BPGM: variants seen among roughly 807,000 people sequenced by gnomAD.
BPGM encodes bisphosphoglycerate mutase.
A neutral mutation model predicts 21.6 loss-of-function variants in BPGM; 15 were observed. The ratio of observed to expected loss-of-function variants is 0.70; its 90% CI spans 0.47 to 1.07. BPGM has a LOEUF of 1.07. Ranked by LOEUF, BPGM falls within the 50% of genes least tolerant of loss-of-function variation. The probability of loss-of-function intolerance (pLI) is 0.00; values close to 1 mark genes in which losing one functional copy is unlikely to be tolerated. For synonymous variants in BPGM, 113 were observed against 116.2 expected (o/e 0.97, Z 0.18); for missense variants, 273 against 319.0 (o/e 0.86, Z 1.10).
chr7:134,648,951 A>G (rs978462494), intron 1 of BPGM, among the ~76,000 whole-genome samples: 1 of 152,212 alleles, frequency 6.6e-6, no homozygotes, highest in South Asian at 2.1e-4. Context: ...AGCAAGTAAA[A>G]GTTCCCAGCT....
chr7:134,652,764 T>C (rs554466296), intron 1 of BPGM, among the ~76,000 whole-genome samples: 20 of 152,352 alleles, frequency 1.3e-4, no homozygotes, highest in African/African-American at 4.8e-4. Context: ...TCACCTAACC[T>C]TAGGCTCTCC....
At chr7:134,673,464 C>G (rs2131458807) in intron 2 of BPGM, among the ~76,000 whole-genome samples, 1 of 152,250 alleles carries the variant, frequency 6.6e-6, no homozygotes, top group South Asian at 2.1e-4. Flanking sequence ...GAGAGTGCTG[C>G]TATTAAACAG....
intron 1 of BPGM, among the ~76,000 whole-genome samples, chr7:134,658,892 A>ATTTTT (rs1554411129): frequency 2.1e-5 from 3 of 143,900 alleles, no homozygotes; most frequent in African/African-American, 5.2e-5. Context: ...GTGTGTGTGT[A>ATTTTT]TTTTTTTTTT....
At chr7:134,676,208 G>A (rs1795981157) in intron 2 of BPGM, among the ~76,000 whole-genome samples, 1 of 152,168 alleles carries the variant, frequency 6.6e-6, no homozygotes, top group South Asian at 2.1e-4. Context: ...TAAATACAAT[G>A]TTGAATAGAA....
intron 1 of BPGM, among the ~76,000 whole-genome samples, chr7:134,654,300 C>T (rs1238340274): frequency 6.6e-6 from 1 of 152,198 alleles, no homozygotes; most frequent in African/African-American, 2.4e-5. Context: ...ATTTATGAGT[C>T]ATCCATTTTA....
At chr7:134,653,096 T>C (rs1215338831) in intron 1 of BPGM, among the ~76,000 whole-genome samples, 1 of 152,230 alleles carries the variant, frequency 6.6e-6, no homozygotes, top group Non-Finnish European at 1.5e-5. Context: ...TAATATTTCA[T>C]GTGCATGAAA....
At chr7:134,659,966 T>C (rs1233210497) in intron 1 of BPGM, among the ~76,000 whole-genome samples, 1 of 152,190 alleles carries the variant, frequency 6.6e-6, no homozygotes, top group African/African-American at 2.4e-5. Context: ...GTATACCATC[T>C]AGGTTTGTGT....
intron 1 of BPGM, chr7:134,660,425 GGA>G (rs1467658280): frequency 2.0e-5 from 3 of 152,614 alleles, no homozygotes; most frequent in Non-Finnish European, 2.9e-5. Flanking sequence ...TCCACCACAA[GGA>G]GAGAGAGAGG....
chr7:134,651,291 T>A (rs1373104418), intron 1 of BPGM, among the ~76,000 whole-genome samples: 1 of 152,198 alleles, frequency 6.6e-6, no homozygotes, highest in African/African-American at 2.4e-5. Context: ...ACTAGGTTTT[T>A]AAGTTGGACT....
chr7:134,652,954 T>C (rs763257112), intron 1 of BPGM, among the ~76,000 whole-genome samples: 3 of 152,204 alleles, frequency 2.0e-5, no homozygotes, highest in Non-Finnish European at 4.4e-5. Context: ...CAGGTATCTC[T>C]TCAGTATACT....
rs181209590 is a variant in BPGM, at chr7:134,650,714, A to G, written c.-62+3777A>G. Among the ~76,000 whole-genome samples the G allele has an allele frequency of 7.7e-4, 117 of 152,318 alleles. 1 individual carries two copies. Among genetic ancestry groups the G allele is most frequent in the African/African-American group, 2.3e-3 (96 of 41,572 alleles). ...GAGGCGGGCAGATCACGAGGTCAGG[A>G]GATCAAGACCATCCTGGCTAACATG... On this transcript the variant is annotated intron_variant, in intron 1 of 2. Coordinates refer to ENST00000344924, the MANE Select transcript of BPGM (RefSeq NM_001724.5).
At position 134,655,962 on chromosome 7, in the gene BPGM, C is replaced by T. The variant is rs752599573; in HGVS notation, c.-61-5485C>T. On this transcript the variant is annotated intron_variant, in intron 1 of 2. Coordinates refer to ENST00000344924, the MANE Select transcript of BPGM (RefSeq NM_001724.5). Reference sequence around the variant, plus strand: ...CGCAAGTGCACCAAATGTGGTTAAGCGGGATGCTACAGGAGTAGGTCAGCA... The same window carrying T: ...CGCAAGTGCACCAAATGTGGTTAAGTGGGATGCTACAGGAGTAGGTCAGCA... Among the ~76,000 whole-genome samples, 6 of 152,160 alleles carry T rather than the reference C, an allele frequency of 3.9e-5. No individual in the cohort carries two copies. The East Asian group carries it at 9.6e-4, about 24-fold the overall frequency.
chr7:134,649,642 C>T (rs2131411403), intron 1 of BPGM, among the ~76,000 whole-genome samples: 1 of 152,260 alleles, frequency 6.6e-6, no homozygotes, highest in Non-Finnish European at 1.5e-5. Context: ...GAAACTTAGC[C>T]ACAAATATGA....
At chr7:134,649,448 T>C (rs192004519) in intron 1 of BPGM, among the ~76,000 whole-genome samples, 11 of 152,332 alleles carry the variant, frequency 7.2e-5, no homozygotes, top group African/African-American at 2.6e-4. Flanking sequence ...TTTTAAGTAA[T>C]GATTGATGCA....
At chr7:134,678,693 T>A (rs911807093) in intron 2 of BPGM, among the ~76,000 whole-genome samples, 160 bp from the exon 3 acceptor site, 12 of 152,226 alleles carry the variant, frequency 7.9e-5, no homozygotes, top group African/African-American at 2.7e-4. Context: ...TTGTAATTTC[T>A]GGAAAGTTCC....
At chr7:134,672,097 A>C (rs1041054458) in intron 2 of BPGM, among the ~76,000 whole-genome samples, 3 of 152,024 alleles carry the variant, frequency 2.0e-5, no homozygotes, top group Admixed American at 2.0e-4. Flanking sequence ...AAGTTGTTTG[A>C]CTTTCTCCCC....
At chr7:134,649,981 G>T (rs752413211) in intron 1 of BPGM, among the ~76,000 whole-genome samples, 1 of 152,192 alleles carries the variant, frequency 6.6e-6, no homozygotes, top group African/African-American at 2.4e-5. Flanking sequence ...TTGGTAGAGT[G>T]CTTCACCATA....
At chr7:134,676,984 AGAGGTCTGGTCT>A (rs1337526048) in intron 2 of BPGM, among the ~76,000 whole-genome samples, 2 of 152,204 alleles carry the variant, frequency 1.3e-5, no homozygotes, top group African/African-American at 4.8e-5. Context: ...CTAAACAGCT[AGAGGTCTGGTCT>A]GAGTAGATTT....
chr7:134,675,391 T>C (rs1001189728), intron 2 of BPGM, among the ~76,000 whole-genome samples: 1 of 152,198 alleles, frequency 6.6e-6, no homozygotes, highest in Non-Finnish European at 1.5e-5. Flanking sequence ...AGCTCTTGAC[T>C]CTAAGTCTTT....
Sources: gnomAD v4.1 joint callset for allele counts (sites outside exome capture counted in the v4.1 genomes callset) on GRCh38, gnomAD v4.1.1 for gene constraint, MANE v1.5 for transcripts, NCBI Gene and HGNC (gene_info 2026-07-23, HGNC 2026-07-21) for gene names.